Variants in SV2C observed in about 807,000 individuals in gnomAD.
The protein encoded by SV2C is solute carrier family 22 member B3.
In SV2C, 49 loss-of-function variants were observed where a neutral mutation model predicts 79.7. The ratio of observed to expected loss-of-function variants is 0.61; its 90% confidence interval spans 0.49 to 0.78. The LOEUF (loss-of-function observed/expected upper bound fraction) is 0.78, where lower values mean the gene tolerates loss of function less well. Among genes scored for constraint, SV2C ranks in the 30% least tolerant of loss-of-function variants. The pLI, the probability that SV2C is intolerant of heterozygous loss-of-function variation, is 0.00. For missense variants in SV2C, 833 were observed against 912.9 expected, an observed-to-expected ratio of 0.91 and a Z score of 1.13; for synonymous variants, 334 against 333.2, an observed-to-expected ratio of 1.00 and a Z score of -0.03.
chr5:76,256,992 C>A (rs188926623), intron 4 of SV2C, among the ~76,000 whole-genome samples: 2 of 152,322 alleles, frequency 1.3e-5, no homozygotes, highest in East Asian at 1.9e-4. Context: ...TTCTTCCTTT[C>A]ATTTTGCTTA....
At chr5:76,145,894 GA>G (rs1749404115) in intron 2 of SV2C, among the ~76,000 whole-genome samples, 1 of 152,154 alleles carries the variant, frequency 6.6e-6, no homozygotes, top group Admixed American at 6.5e-5. Context: ...GGCCTTGTTT[GA>G]ACTCTCCTTC....
chr5:75,911,315 C>T, the SV2C span: 10 of 1,370,698 alleles, frequency 7.3e-6, no homozygotes, highest in South Asian at 1.2e-4. Flanking sequence ...GGGCAGCCTT[C>T]ATCATCTGCC....
the SV2C span, among the ~76,000 whole-genome samples, chr5:76,045,379 T>C: frequency 6.6e-6 from 1 of 152,206 alleles, no homozygotes; most frequent in Non-Finnish European, 1.5e-5. Flanking sequence ...TTGCTTAGGA[T>C]TGTCTTGGCT....
chr5:76,102,560 A>G (rs775863718), intron 1 of SV2C, among the ~76,000 whole-genome samples: 12 of 152,198 alleles, frequency 7.9e-5, no homozygotes, highest in African/African-American at 2.7e-4. Flanking sequence ...CACAATCACT[A>G]TAGAGGGAAT....
the SV2C span, among the ~76,000 whole-genome samples, chr5:75,922,726 C>T: frequency 6.6e-6 from 1 of 152,192 alleles, no homozygotes; most frequent in South Asian, 2.1e-4. Flanking sequence ...AAAGATCACT[C>T]AGAGTGACAC....
At chr5:76,181,691 C>T (rs1383498239) in intron 2 of SV2C, among the ~76,000 whole-genome samples, 1 of 152,072 alleles carries the variant, frequency 6.6e-6, no homozygotes, top group Non-Finnish European at 1.5e-5. Context: ...AGGGCTAAAC[C>T]ATTAGAAACC....
chr5:76,170,342 C>T (rs1390437679), intron 2 of SV2C, among the ~76,000 whole-genome samples: 3 of 122,598 alleles, frequency 2.4e-5, no homozygotes, highest in Non-Finnish European at 5.0e-5. Flanking sequence ...ATCCACAGTA[C>T]TCGTCCACCA....
intron 4 of SV2C, among the ~76,000 whole-genome samples, chr5:76,271,200 T>C (rs1319345474): frequency 6.6e-6 from 1 of 152,260 alleles, no homozygotes; most frequent in Non-Finnish European, 1.5e-5. Context: ...ATTTTCTATG[T>C]TTCTTCCTCC....
the SV2C span, among the ~76,000 whole-genome samples, chr5:75,965,036 A>G: frequency 6.6e-6 from 1 of 152,174 alleles, no homozygotes; most frequent in East Asian, 1.9e-4. Flanking sequence ...CTCCTTTTTT[A>G]TATTTAAGAT....
the SV2C span, chr5:75,911,897 C>A: frequency 6.0e-6 from 3 of 501,674 alleles, no homozygotes; most frequent in South Asian, 4.6e-5. Context: ...ACTCCTCTCA[C>A]CCCACACCTC....
chr5:76,188,388 G>T (rs193010109), intron 2 of SV2C, among the ~76,000 whole-genome samples: 4 of 152,258 alleles, frequency 2.6e-5, no homozygotes, highest in South Asian at 4.1e-4. Context: ...CTATACAGAG[G>T]AGAAAACTGA....
the SV2C span, among the ~76,000 whole-genome samples, chr5:76,056,913 G>A: frequency 6.6e-6 from 1 of 151,210 alleles, no homozygotes; most frequent in African/African-American, 2.4e-5. Context: ...AGTCTAGCTG[G>A]CAGTCTATTT....
chr5:76,094,595 A>G (rs1747487332), intron 1 of SV2C, among the ~76,000 whole-genome samples: 2 of 152,230 alleles, frequency 1.3e-5, no homozygotes, highest in South Asian at 4.1e-4. Flanking sequence ...TTGTTTCCAC[A>G]TTGGAGCTAT....
At chr5:75,932,533 A>G in the SV2C span, among the ~76,000 whole-genome samples, 3 of 152,252 alleles carry the variant, frequency 2.0e-5, no homozygotes. Flanking sequence ...GCCAGTGATA[A>G]GCATTATTTC....
chr5:76,209,744 G>T lies in SV2C; in HGVS notation c.770G>T (p.Gly257Val), dbSNP rs1183864738. 1 of 1,613,876 alleles carries T rather than the reference G, an allele frequency of 6.2e-7. No individual in the cohort carries two copies. The highest frequency in any genetic ancestry group is 1.3e-5 in the African/African-American group (1 of 74,936). The change falls in exon 4 of 13, where the codon GGA becomes GTA. Residue 257 changes from glycine to valine, a missense_variant. Physicochemically the swap from Gly to Val is moderately radical, Grantham distance 109. Coordinates refer to ENST00000502798, the MANE Select transcript of SV2C (RefSeq NM_014979.4). ...CRLLSGFGIG[G>V]AIPTVFSYFA... ...TCTGTACCTCTTGGCAGGATTGGAG[G>T]AGCCATACCCACTGTGTTCTCGTAC...
the SV2C span, among the ~76,000 whole-genome samples, chr5:75,888,549 C>T: frequency 0.014 from 2,138 of 152,076 alleles, 44 homozygotes; most frequent in African/African-American, 0.047. Context: ...GAAGGCTTTT[C>T]CTTTCGCTGC....
the SV2C span, among the ~76,000 whole-genome samples, chr5:75,874,029 C>G: frequency 6.6e-6 from 1 of 151,986 alleles, no homozygotes; most frequent in Non-Finnish European, 1.5e-5. Context: ...AATTGAGGAG[C>G]AGGGACTCCT....
chr5:75,949,031 A>G, the SV2C span, among the ~76,000 whole-genome samples: 1 of 151,834 alleles, frequency 6.6e-6, no homozygotes, highest in Non-Finnish European at 1.5e-5. Context: ...TGGATCCCTC[A>G]TGGGTTGGTG....
chr5:75,928,728 T>TAACCA, the SV2C span, among the ~76,000 whole-genome samples: 1 of 152,152 alleles, frequency 6.6e-6, no homozygotes, highest in Non-Finnish European at 1.5e-5. Context: ...TGTCTCTGTG[T>TAACCA]CATCCCTCTG....
Sources: gnomAD v4.1 joint callset for allele counts (sites outside exome capture counted in the v4.1 genomes callset) on GRCh38, gnomAD v4.1.1 for gene constraint, MANE v1.5 for transcripts, NCBI Gene and HGNC (gene_info 2026-07-23, HGNC 2026-07-21) for gene names.